ROBO2: variants seen among roughly 807,000 people sequenced by gnomAD.
The protein encoded by ROBO2 is roundabout guidance receptor 2, also known as roundabout homolog 2.
A neutral mutation model predicts 160.8 loss-of-function variants in ROBO2; 53 were observed. That is an observed-to-expected ratio of 0.33 (90% CI 0.26 to 0.41). The LOEUF is 0.41. ROBO2 is among the 10% of genes least tolerant of loss of function. The probability of loss-of-function intolerance (pLI) is 1.00; values close to 1 mark genes in which losing one functional copy is unlikely to be tolerated. For synonymous variants in ROBO2, 664 were observed against 611.7 expected (o/e 1.09, Z -1.26); for missense variants, 1,577 against 1,722.4 (o/e 0.92, Z 1.49).
At chr3:76,628,317 A>G (rs2089799357) in intron 2 of ROBO2, among the ~76,000 whole-genome samples, 1 of 151,954 alleles carries the variant, frequency 6.6e-6, no homozygotes, top group Admixed American at 6.6e-5. Flanking sequence ...TGGCACGATC[A>G]CAGCTTACCG....
chr3:76,031,855 G>A (rs989647959), intron 2 of ROBO2, among the ~76,000 whole-genome samples: 5 of 151,862 alleles, frequency 3.3e-5, no homozygotes, highest in African/African-American at 1.2e-4. Context: ...GCCAGGCTTT[G>A]GTATCAGGAT....
At chr3:75,933,096 G>T (rs1201532623) in intron 1 of ROBO2, among the ~76,000 whole-genome samples, 1 of 152,118 alleles carries the variant, frequency 6.6e-6, no homozygotes, top group Non-Finnish European at 1.5e-5. Flanking sequence ...GTGACTCAGT[G>T]GCACCTAGTC....
intron 2 of ROBO2, among the ~76,000 whole-genome samples, chr3:76,711,389 G>T (rs763052089): frequency 2.6e-4 from 40 of 152,270 alleles, no homozygotes; most frequent in Non-Finnish European, 5.3e-4. Flanking sequence ...CCCCTGACAC[G>T]TGGGGATTAC....
At chr3:76,899,365 C>A (rs912960924) in intron 2 of ROBO2, among the ~76,000 whole-genome samples, 2 of 151,998 alleles carry the variant, frequency 1.3e-5, no homozygotes, top group Non-Finnish European at 2.9e-5. Flanking sequence ...AACAAAAGAG[C>A]ACAGAATAAC....
chr3:76,317,566 A>G (rs949684479), intron 2 of ROBO2, among the ~76,000 whole-genome samples: 15 of 152,188 alleles, frequency 9.9e-5, no homozygotes, highest in African/African-American at 3.6e-4. Flanking sequence ...TGTTCTTTGT[A>G]CTGTGTATAA....
At chr3:76,304,581 C>T (rs886274164) in intron 2 of ROBO2, among the ~76,000 whole-genome samples, 8 of 152,074 alleles carry the variant, frequency 5.3e-5, no homozygotes, top group African/African-American at 1.2e-4. Context: ...AACATTTTAA[C>T]AATAGTGCAG....
At chr3:76,114,095 T>C (rs560122726) in intron 2 of ROBO2, among the ~76,000 whole-genome samples, 30 of 152,274 alleles carry the variant, frequency 2.0e-4, no homozygotes, top group African/African-American at 6.5e-4. Flanking sequence ...AATTATCTAG[T>C]CTCAGGCATT....
intron 2 of ROBO2, among the ~76,000 whole-genome samples, chr3:77,386,082 T>C (rs2074068239): frequency 6.6e-6 from 1 of 152,216 alleles, no homozygotes; most frequent in Non-Finnish European, 1.5e-5. Context: ...GCAGGTAATA[T>C]GCTTAACAGT....
At chr3:76,503,507 T>C (rs1041111795) in intron 2 of ROBO2, among the ~76,000 whole-genome samples, 1 of 152,208 alleles carries the variant, frequency 6.6e-6, no homozygotes, top group Non-Finnish European at 1.5e-5. Context: ...AACTCCCATG[T>C]TCATTGCAGC....
intron 2 of ROBO2, among the ~76,000 whole-genome samples, chr3:76,231,365 T>A (rs1267910125): frequency 3.9e-5 from 6 of 152,170 alleles, no homozygotes; most frequent in Admixed American, 2.0e-4. Context: ...CTCTGCGGTT[T>A]TATGTCCATT....
At chr3:77,129,013 G>A (rs779279083) in intron 2 of ROBO2, among the ~76,000 whole-genome samples, 9 of 152,144 alleles carry the variant, frequency 5.9e-5, no homozygotes, top group African/African-American at 1.9e-4. Context: ...AAGCTGTTGC[G>A]TGAGTATTGG....
At chr3:76,224,975 A>G (rs1016576586) in intron 2 of ROBO2, among the ~76,000 whole-genome samples, 6 of 152,234 alleles carry the variant, frequency 3.9e-5, no homozygotes, top group African/African-American at 1.4e-4. Context: ...GAAAGGTATG[A>G]TAAGCTGTAG....
chr3:77,535,520 C>T (rs565050387), intron 6 of ROBO2, among the ~76,000 whole-genome samples: 74 of 152,154 alleles, frequency 4.9e-4, no homozygotes, highest in Admixed American at 8.5e-4. Context: ...TAGTCTTCTT[C>T]TGCTGGTCAA....
At chr3:77,285,982 T>G (rs2060565080) in intron 2 of ROBO2, among the ~76,000 whole-genome samples, 1 of 152,024 alleles carries the variant, frequency 6.6e-6, no homozygotes, top group Non-Finnish European at 1.5e-5. Context: ...GAAAATCAAG[T>G]CTCTATTTTA....
intron 2 of ROBO2, among the ~76,000 whole-genome samples, chr3:77,001,542 G>C (rs916007979): frequency 2.6e-5 from 4 of 152,066 alleles, no homozygotes; most frequent in Non-Finnish European, 5.9e-5. Context: ...GAACAGGGGG[G>C]TTTGAGAGGG....
At position 77,235,573 on chromosome 3, in the gene ROBO2, A is replaced by G. The variant is rs188806950; in HGVS notation, c.388+137233A>G. On this transcript the variant is annotated intron_variant, in intron 2 of 25. Transcript: ENST00000461745. ...ATGAATTACTCAAAATTGTGATATCATATATCAGCAAAATAATAAATTCAA... is the reference window on the plus strand; with the variant it reads ...ATGAATTACTCAAAATTGTGATATCGTATATCAGCAAAATAATAAATTCAA... 1.4e-3 allele frequency among the ~76,000 whole-genome samples: 219 copies of G among 152,332 alleles called. 1 individual carries two copies. Among genetic ancestry groups the G allele is most frequent in the Non-Finnish European group, 2.0e-3 (138 of 68,030 alleles).
intron 2 of ROBO2, among the ~76,000 whole-genome samples, chr3:76,648,804 T>A (rs1441199564): frequency 6.6e-6 from 1 of 152,150 alleles, no homozygotes; most frequent in Non-Finnish European, 1.5e-5. Flanking sequence ...ATAAGACTAG[T>A]TGATGGCTTT....
At chr3:75,960,589 A>T (rs1305610236) in intron 2 of ROBO2, among the ~76,000 whole-genome samples, 1 of 151,840 alleles carries the variant, frequency 6.6e-6, no homozygotes, top group Non-Finnish European at 1.5e-5. Context: ...TTAAGCTAAT[A>T]AGGTGGCTTT....
chr3:77,013,817 C>G (rs559384740), intron 2 of ROBO2, among the ~76,000 whole-genome samples: 1 of 152,348 alleles, frequency 6.6e-6, no homozygotes, highest in Admixed American at 6.5e-5. Flanking sequence ...TAACCTACAA[C>G]AGTTCCTATC....
Sources: gnomAD v4.1 joint callset for allele counts (sites outside exome capture counted in the v4.1 genomes callset) on GRCh38, gnomAD v4.1.1 for gene constraint, MANE v1.5 for transcripts, NCBI Gene and HGNC (gene_info 2026-07-23, HGNC 2026-07-21) for gene names.